The following PRKD1 variants were observed in gnomAD, a reference collection of about 807,000 sequenced individuals.
PRKD1 encodes protein kinase D1.
Under a neutral mutation model 95.9 loss-of-function variants are expected in PRKD1, and 63 were observed. The ratio of observed to expected loss-of-function variants is 0.66; its 90% CI spans 0.54 to 0.81. The LOEUF is 0.81. PRKD1 is among the 30% of genes least tolerant of loss of function. PRKD1 has a pLI of 0.00. For synonymous variants in PRKD1, 425 were observed against 423.1 expected (o/e 1.00, Z -0.05); for missense variants, 1,048 against 1,165.3 (o/e 0.90, Z 1.47).
At chr14:29,753,303 G>A (rs1887559930) in intron 1 of PRKD1, among the ~76,000 whole-genome samples, 1 of 152,070 alleles carries the variant, frequency 6.6e-6, no homozygotes, top group Non-Finnish European at 1.5e-5. Flanking sequence ...TGCAATGCTT[G>A]CCAAACCTTT....
At chr14:29,693,539 A>C (rs1248142419) in intron 2 of PRKD1, among the ~76,000 whole-genome samples, 1 of 151,944 alleles carries the variant, frequency 6.6e-6, no homozygotes, top group East Asian at 1.9e-4. Context: ...ACTGTTACAC[A>C]TAAGAAAGAA....
intron 6 of PRKD1, among the ~76,000 whole-genome samples, chr14:29,637,875 G>A (rs2139133968): frequency 6.6e-6 from 1 of 152,256 alleles, no homozygotes; most frequent in Admixed American, 6.5e-5. Flanking sequence ...TCAGGCTAAA[G>A]GTATAAAGAC....
chr14:29,584,676 C>CT lies in PRKD1; in HGVS notation c.2435-6317dup, dbSNP rs796928270. Among the ~76,000 whole-genome samples, 19 of 152,172 alleles carry CT rather than the reference C, an allele frequency of 1.2e-4. 1 individual carries two copies. Among genetic ancestry groups the CT allele is most frequent in the African/African-American group, 4.6e-4 (19 of 41,526 alleles). On this transcript the variant is annotated intron_variant, in intron 16 of 17. Coordinates refer to ENST00000331968, the MANE Select transcript of PRKD1 (RefSeq NM_002742.3). Reference sequence around the variant, plus strand: ...AATGTAAATCGCCATTTTCTTAGCTCTAAGTTTCAATACCCATATTGTATG... The same window carrying CT: ...AATGTAAATCGCCATTTTCTTAGCTCTTAAGTTTCAATACCCATATTGTATG...
chr14:29,679,650 C>G (rs533339043), intron 2 of PRKD1, among the ~76,000 whole-genome samples: 1 of 150,888 alleles, frequency 6.6e-6, no homozygotes, highest in Non-Finnish European at 1.5e-5. Flanking sequence ...CTGTCAACAT[C>G]AGGAAGAGAT....
chr14:29,578,464 T>C (rs1159762494), intron 16 of PRKD1, 104 bp from the exon 17 acceptor site: 8 of 595,364 alleles, frequency 1.3e-5, no homozygotes, highest in South Asian at 9.8e-5. Flanking sequence ...AAATGCAGCA[T>C]AGTGACAAGG....
intron 1 of PRKD1, among the ~76,000 whole-genome samples, chr14:29,742,425 C>T (rs754995582): frequency 4.6e-5 from 7 of 152,252 alleles, no homozygotes; most frequent in Non-Finnish European, 4.4e-5. Flanking sequence ...AGGTTCTATG[C>T]GTATCTGTGA....
rs115226403 is a variant in PRKD1, at chr14:29,588,938, G to A, written c.2434+8553C>T. On this transcript the variant is annotated intron_variant, in intron 16 of 17. Transcript: ENST00000331968. ...GCAGAAACAACTCAGCAGGTGACTC[G>A]GGAATAGGTGCTTCTTCAGACTTCA... Among the ~76,000 whole-genome samples, 623 of 152,030 alleles carry A rather than the reference G, an allele frequency of 4.1e-3. 4 individuals are homozygous for A. Among genetic ancestry groups the A allele is most frequent in the African/African-American group, 0.013 (524 of 41,496 alleles).
At chr14:29,752,480 G>A (rs1262909017) in intron 1 of PRKD1, among the ~76,000 whole-genome samples, 2 of 151,978 alleles carry the variant, frequency 1.3e-5, no homozygotes, top group African/African-American at 4.8e-5. Context: ...AATGGCTGGA[G>A]GTGAAGTCAG....
chr14:29,738,521 T>C (rs576279647), intron 1 of PRKD1, among the ~76,000 whole-genome samples: 1 of 152,354 alleles, frequency 6.6e-6, no homozygotes, highest in South Asian at 2.1e-4. Context: ...AAATCTGATT[T>C]GTGAAGATAA....
intron 1 of PRKD1, among the ~76,000 whole-genome samples, chr14:29,883,466 T>C (rs1245971782): frequency 1.3e-5 from 2 of 152,240 alleles, no homozygotes; most frequent in Non-Finnish European, 2.9e-5. Flanking sequence ...CTCTATATAT[T>C]ATTTTTAGAT....
intron 1 of PRKD1, among the ~76,000 whole-genome samples, chr14:29,846,914 T>C (rs1057053464): frequency 6.6e-6 from 1 of 152,162 alleles, no homozygotes; most frequent in Non-Finnish European, 1.5e-5. Flanking sequence ...TGTGTTAAAG[T>C]GACCTCATGC....
chr14:29,663,213 T>C (rs1566522939), intron 4 of PRKD1, among the ~76,000 whole-genome samples: 1 of 149,366 alleles, frequency 6.7e-6, no homozygotes, highest in African/African-American at 2.5e-5. Flanking sequence ...GTCCTATTTT[T>C]CTCACAGGAC....
At chr14:29,628,889 T>C in intron 11 of PRKD1, 152 bp downstream of exon 11, 1 of 410,930 alleles carries the variant, frequency 2.4e-6, no homozygotes, top group Non-Finnish European at 4.0e-6. Flanking sequence ...TATAATTTAA[T>C]ATTTCTAAAA....
intron 2 of PRKD1, among the ~76,000 whole-genome samples, chr14:29,696,303 A>G (rs576752918): frequency 6.6e-6 from 1 of 152,320 alleles, no homozygotes; most frequent in South Asian, 2.1e-4. Context: ...TCAAATCAGT[A>G]TCTTAGTTGA....
At chr14:29,637,579 C>A (rs1292210645) in intron 6 of PRKD1, among the ~76,000 whole-genome samples, 2 of 152,162 alleles carry the variant, frequency 1.3e-5, no homozygotes, top group African/African-American at 4.8e-5. Context: ...ATTCCCTGAG[C>A]CTGAACAAAG....
At chr14:29,849,402 T>C (rs1892210540) in intron 1 of PRKD1, among the ~76,000 whole-genome samples, 1 of 152,124 alleles carries the variant, frequency 6.6e-6, no homozygotes, top group Non-Finnish European at 1.5e-5. Context: ...AAGTATTTCT[T>C]TATAGCAGTG....
chr14:29,803,324 G>A (rs1345809199), intron 1 of PRKD1, among the ~76,000 whole-genome samples: 1 of 152,164 alleles, frequency 6.6e-6, no homozygotes, highest in Non-Finnish European at 1.5e-5. Context: ...GGTCTAGCAA[G>A]AATATTTTAA....
intron 1 of PRKD1, among the ~76,000 whole-genome samples, chr14:29,747,731 TTTTAC>T (rs1449015072): frequency 2.0e-5 from 3 of 152,142 alleles, no homozygotes; most frequent in African/African-American, 7.2e-5. Context: ...TTTTTCCTTT[TTTTAC>T]TTTATTAATT....
chr14:29,764,746 G>A (rs148115478), intron 1 of PRKD1, among the ~76,000 whole-genome samples: 14 of 152,202 alleles, frequency 9.2e-5, no homozygotes, highest in Non-Finnish European at 1.9e-4. Context: ...TTTGCATTGG[G>A]GATTAAGTTT....
Sources: gnomAD v4.1 joint callset for allele counts (sites outside exome capture counted in the v4.1 genomes callset) on GRCh38, gnomAD v4.1.1 for gene constraint, MANE v1.5 for transcripts, NCBI Gene and HGNC (gene_info 2026-07-23, HGNC 2026-07-21) for gene names.